Variants in ZNF724 observed in about 807,000 individuals in gnomAD.
ZNF724 encodes the protein zinc finger protein 724.
ZNF724 carries 14 observed loss-of-function variants against 29.3 expected under a neutral mutation model. The observed-to-expected ratio is 0.48, with a 90% CI of 0.32 to 0.75. The LOEUF is 0.75. Among genes scored for constraint, ZNF724 ranks in the 30% least tolerant of loss-of-function variants. The pLI, the probability that ZNF724 is intolerant of heterozygous loss-of-function variation, is 0.04. For synonymous variants in ZNF724, 180 were observed against 193.6 expected (o/e 0.93, Z 0.58); for missense variants, 557 against 571.2 (o/e 0.98, Z 0.25).
intron 3 of ZNF724, among the ~76,000 whole-genome samples, chr19:23,226,634 C>T (rs544167025): frequency 1.9e-3 from 283 of 152,174 alleles, no homozygotes; most frequent in African/African-American, 6.6e-3. Flanking sequence ...AGGAAATGTA[C>T]ATTCATTATT....
At chr19:23,229,005 G>A (rs924914138) in intron 3 of ZNF724, among the ~76,000 whole-genome samples, 41 of 151,938 alleles carry the variant, frequency 2.7e-4, no homozygotes, top group African/African-American at 9.2e-4. Context: ...GGAGGTTACA[G>A]TGAGTTGAGA....
intron 1 of ZNF724, among the ~76,000 whole-genome samples, chr19:23,247,115 C>T (rs573479102): frequency 1.3e-5 from 2 of 152,216 alleles, no homozygotes; most frequent in South Asian, 4.2e-4. Context: ...CCCAGCTACT[C>T]AGGAGGCTGA....
At position 23,223,964 on chromosome 19, in the gene ZNF724, G is replaced by A. The variant is rs776164449; in HGVS notation, c.281C>T (p.Ser94Phe). Residue 94 changes from serine (S) to phenylalanine (F), a missense_variant, in exon 4 of 4, where the codon TCT (serine) becomes TTT (phenylalanine). Ser to Phe is a radical substitution (Grantham distance 155). This residue lies in a region of ZNF724 where 362 missense variants were observed against 295.5 expected (regional missense o/e 1.22). Transcript: ENST00000418100. ...TTTTCTCAGTATTATTCTTTGCAAA[G>A]AAGCTTTTATGCTCTGCTCTGGCCG... ...DLRPEQSIKASLQRIILRKYE... is the reference protein window; with the variant it reads ...DLRPEQSIKAFLQRIILRKYE... The A allele has an allele frequency of 2.7e-6, 2 of 735,986 alleles. No homozygotes were observed. Among genetic ancestry groups the A allele is most frequent in the South Asian group, 1.5e-5 (1 of 68,116 alleles). 45.6% of individuals were successfully genotyped at this position (735,986 alleles called of 1,614,324 possible). A position where few individuals can be genotyped will look rare whatever the true frequency, so the allele number is the denominator to read the frequency against.
At chr19:23,248,379 T>C (rs560102916) in intron 1 of ZNF724, among the ~76,000 whole-genome samples, 4 of 152,276 alleles carry the variant, frequency 2.6e-5, no homozygotes, top group South Asian at 4.1e-4. Context: ...ATTTAGTATG[T>C]ATTTTTACTT....
intron 1 of ZNF724, among the ~76,000 whole-genome samples, chr19:23,244,938 C>T (rs561989153): frequency 6.6e-6 from 1 of 152,090 alleles, no homozygotes; most frequent in East Asian, 1.9e-4. Context: ...AAGATACAAC[C>T]CAGGAAAAGT....
At chr19:23,250,108 G>T in intron 1 of ZNF724, 132 bp downstream of exon 1, 1 of 531,030 alleles carries the variant, frequency 1.9e-6, no homozygotes, top group Admixed American at 2.1e-5. Context: ...CTGAGGCCCA[G>T]CTGGGCAAGG....
chr19:23,227,555 C>CAAAAAAAAAAAAAAAAAAAAAAAAAA (rs1370441801), intron 3 of ZNF724, among the ~76,000 whole-genome samples: 1 of 76,046 alleles, frequency 1.3e-5, no homozygotes, highest in Non-Finnish European at 2.5e-5. Flanking sequence ...GGCTCCATCT[C>CAAAAAAAAAAAAAAAAAAAAAAAAAA]AAAAAAAAAA....
intron 1 of ZNF724, among the ~76,000 whole-genome samples, chr19:23,238,326 A>T (rs4093388): frequency 0.85 from 129,402 of 152,010 alleles, 55,124 homozygotes; most frequent in South Asian, 0.93. Flanking sequence ...GATCACGCCA[A>T]TGCACTCCAG....
Position 23,235,395 on chromosome 19 carries a change from CTTGT to C in ZNF724, c.4-3106_4-3103del, listed in dbSNP as rs368598169. On this transcript the variant is annotated intron_variant, in intron 1 of 3. Transcript: ENST00000418100. ...GAAATTTTTATTGTGTTCATATTTACTTGTTTGTGACTTGTGGAGCAACTACTGG... is the reference window on the plus strand; with the variant it reads ...GAAATTTTTATTGTGTTCATATTTACTTGTGACTTGTGGAGCAACTACTGG... 1.6e-3 allele frequency among the ~76,000 whole-genome samples: 241 copies of C among 152,214 alleles called. 2 individuals carry two copies. The highest frequency in any genetic ancestry group is 5.6e-3 in the African/African-American group (234 of 41,538).
chr19:23,246,579 C>T (rs375486396), intron 1 of ZNF724, among the ~76,000 whole-genome samples: 1 of 151,648 alleles, frequency 6.6e-6, no homozygotes, highest in Non-Finnish European at 1.5e-5. Context: ...TGCTTAAACC[C>T]GGAGTCGGAG....
At chr19:23,228,937 G>C (rs1018635788) in intron 3 of ZNF724, among the ~76,000 whole-genome samples, 7 of 151,624 alleles carry the variant, frequency 4.6e-5, no homozygotes, top group Non-Finnish European at 8.8e-5. Context: ...GGTGGCGCGT[G>C]CTTATAATCC....
Position 23,237,717 on chromosome 19 carries a change from T to TAAA in ZNF724, c.4-5427_4-5425dup, listed in dbSNP as rs56110527. Among the ~76,000 whole-genome samples, 159 of 132,566 alleles carry TAAA rather than the reference T, an allele frequency of 1.2e-3. 8 individuals are homozygous for TAAA. The highest frequency in any genetic ancestry group is 3.8e-3 in the East Asian group (17 of 4,480). The allele number at this position is 132,566 out of a possible 152,430, so 87.0% of individuals were successfully genotyped here. On this transcript the variant is annotated intron_variant, in intron 1 of 3. Transcript: ENST00000418100. ...TGGGCAACAGAGCAAGAACCCGTCT[T>TAAA]AAAAAAAAAAAAAAAAGAAAATACT...
chr19:23,239,847 T>C (rs1456530599), intron 1 of ZNF724, among the ~76,000 whole-genome samples: 1 of 151,724 alleles, frequency 6.6e-6, no homozygotes, highest in Non-Finnish European at 1.5e-5. Context: ...ATTCCCAAGC[T>C]AGCAGAAGAC....
At chr19:23,249,585 A>G (rs1385769565) in intron 1 of ZNF724, among the ~76,000 whole-genome samples, 1 of 152,102 alleles carries the variant, frequency 6.6e-6, no homozygotes, top group Non-Finnish European at 1.5e-5. Context: ...TTTCTAGTAG[A>G]AACGGGGGTT....
intron 1 of ZNF724, among the ~76,000 whole-genome samples, chr19:23,238,026 T>A (rs1219999429): frequency 6.6e-6 from 1 of 152,194 alleles, no homozygotes; most frequent in Non-Finnish European, 1.5e-5. Context: ...TTTTGTGTGC[T>A]CTTAAAATGA....
intron 1 of ZNF724, among the ~76,000 whole-genome samples, chr19:23,243,931 A>G (rs1253470798): frequency 8.1e-6 from 1 of 123,280 alleles, no homozygotes; most frequent in Non-Finnish European, 1.6e-5. Flanking sequence ...CTCAAAAAAA[A>G]AAAAAATTAA....
At chr19:23,236,184 G>A (rs924609492) in intron 1 of ZNF724, 15 of 152,130 alleles carry the variant, frequency 9.9e-5, no homozygotes, top group African/African-American at 2.9e-4. Flanking sequence ...ACTATACTCT[G>A]CTTGCCCTTT....
rs1313427370 is a variant in ZNF724, at chr19:23,223,364, G to A, written c.881C>T (p.Ser294Leu). 7 of 769,096 alleles carry A rather than the reference G, an allele frequency of 9.1e-6. No homozygotes were observed. The highest frequency in any genetic ancestry group is 1.8e-5 in the Admixed American group (1 of 56,862). The allele number at this position is 769,096 out of a possible 1,614,324, so 47.6% of individuals were successfully genotyped here. A position where few individuals can be genotyped will look rare whatever the true frequency, so the allele number is the denominator to read the frequency against. ...TATCTTATGTCTAGTAAGGGTTGAT[G>A]ATTGGTTAAAAGCTTTGCCACATTC... The part of the protein sequence containing the change: ...CKECGKAFNQ[S>L]STLTRHKIIH... The change falls in exon 4 of 4, where the codon TCA becomes TTA. Residue 294 changes from serine to leucine, a missense_variant. Physicochemically the swap from Ser to Leu is moderately radical, Grantham distance 145 (BLOSUM62 -2). Transcript: ENST00000418100.
chr19:23,231,509 T>A (rs1971933656), intron 2 of ZNF724, 148 bp from the exon 3 acceptor site: 1 of 653,192 alleles, frequency 1.5e-6, no homozygotes, highest in Non-Finnish European at 2.3e-6. Flanking sequence ...CTATTTTAAA[T>A]TTGTAGGTCC....
Sources: gnomAD v4.1 joint callset for allele counts (sites outside exome capture counted in the v4.1 genomes callset) on GRCh38, gnomAD v4.1.1 for gene constraint, gnomAD v4.1.1 regional missense constraint, MANE v1.5 for transcripts, NCBI Gene and HGNC (gene_info 2026-07-23, HGNC 2026-07-21) for gene names.